Variants in PDZD2 observed in about 807,000 individuals in gnomAD.
PDZD2 encodes the protein PDZ domain containing 2, also known as PDZ domain-containing protein 2.
In PDZD2, 90 loss-of-function variants were observed where a neutral mutation model predicts 220.7. The observed-to-expected ratio is 0.41, with a 90% CI of 0.34 to 0.49. PDZD2 has a LOEUF of 0.49. Among genes scored for constraint, PDZD2 ranks in the 20% least tolerant of loss-of-function variants. The pLI, the probability that PDZD2 is intolerant of heterozygous loss-of-function variation, is 0.28. For synonymous variants in PDZD2, 1,375 were observed against 1,450.5 expected, an observed-to-expected ratio of 0.95 and a Z score of 1.18; for missense variants, 3,174 against 3,608.5, an observed-to-expected ratio of 0.88 and a Z score of 3.08.
intron 2 of PDZD2, among the ~76,000 whole-genome samples, chr5:31,973,015 C>T (rs769883624): frequency 2.6e-5 from 4 of 152,240 alleles, no homozygotes; most frequent in Non-Finnish European, 4.4e-5. Context: ...GCCAGTATCT[C>T]TGCAGTACGT....
At chr5:31,762,542 C>T (rs940972959) in intron 1 of PDZD2, among the ~76,000 whole-genome samples, 3 of 152,216 alleles carry the variant, frequency 2.0e-5, no homozygotes, top group Admixed American at 1.3e-4. Context: ...CCTGCCTCAG[C>T]CTCCCAAAGT....
chr5:31,983,702 G>GTGTT lies in PDZD2; in HGVS notation c.978+56_978+59dup, dbSNP rs150329713. The stretch of plus-strand genomic sequence containing the variant: ...GGAACCAGAATTTTATTTATCGTGT[G>GTGTT]TGTTTGTTTGTTTTTGCAGCCCAGC... On this transcript the variant is annotated intron_variant, in intron 3 of 24. Transcript: ENST00000438447. 1.1e-5 allele frequency: 17 copies of GTGTT among 1,561,038 alleles called. No individual in the cohort carries two copies. The East Asian group carries it at 2.9e-4, about 27-fold the overall frequency.
In PDZD2 at chr5:32,087,980, A is replaced by G; in HGVS notation, c.4532A>G (p.Lys1511Arg). Reference sequence around the variant, plus strand: ...GTTTTAGATTCAATTAATCCCGACAAACATTTTACTGTGAACAAAAACTTT... The same window carrying G: ...GTTTTAGATTCAATTAATCCCGACAGACATTTTACTGTGAACAAAAACTTT... The part of the protein sequence containing the change: ...PSVLDSINPD[K>R]HFTVNKNFLS... Residue 1511 changes from lysine (K) to arginine (R), a missense_variant, in exon 20 of 25, where the codon AAA (lysine) becomes AGA (arginine). Around this residue, in one of 4 missense-constraint regions of PDZD2, gnomAD observed 1,861 missense variants for 2,001.0 expected, o/e 0.93. Transcript: ENST00000438447. This position sits in a 1 kb window ranked among gnomAD's most constrained non-coding sequence, Gnocchi z 4.0. The G allele has an allele frequency of 6.2e-7, 1 of 1,614,210 alleles. No homozygotes were observed. Among genetic ancestry groups the G allele is most frequent in the Non-Finnish European group, 8.5e-7 (1 of 1,180,038 alleles).
At chr5:31,903,658 AAAAAAG>A (rs763042485) in intron 2 of PDZD2, among the ~76,000 whole-genome samples, 25 of 150,708 alleles carry the variant, frequency 1.7e-4, no homozygotes, top group South Asian at 6.3e-4. Context: ...AAAAAAAAAA[AAAAAAG>A]AAAGAAAAAA....
chr5:32,056,362 G>A (rs1039028164), intron 10 of PDZD2, among the ~76,000 whole-genome samples: 5 of 152,194 alleles, frequency 3.3e-5, no homozygotes, highest in African/African-American at 7.2e-5. Flanking sequence ...GGCTGTCTGC[G>A]AGAGGTGACA....
At chr5:31,711,594 G>T (rs1380468971) in intron 1 of PDZD2, among the ~76,000 whole-genome samples, 2 of 152,220 alleles carry the variant, frequency 1.3e-5, no homozygotes, top group African/African-American at 4.8e-5. Context: ...CTGTGACTCA[G>T]GGTGGGTGTT....
intron 2 of PDZD2, among the ~76,000 whole-genome samples, chr5:31,938,598 C>CT (rs1489570748): frequency 7.2e-6 from 1 of 139,234 alleles, no homozygotes; most frequent in East Asian, 2.0e-4. Flanking sequence ...ACTTCTTTCT[C>CT]TTTTGCATAC....
At chr5:31,813,896 G>A (rs990657090) in intron 2 of PDZD2, among the ~76,000 whole-genome samples, 19 of 152,138 alleles carry the variant, frequency 1.2e-4, no homozygotes, top group African/African-American at 4.3e-4. Context: ...GGCCAGGCAC[G>A]GTGGCTCATG....
intron 2 of PDZD2, among the ~76,000 whole-genome samples, chr5:31,925,696 G>T (rs1448269375): frequency 6.6e-6 from 1 of 151,202 alleles, no homozygotes; most frequent in Non-Finnish European, 1.5e-5. Flanking sequence ...TAAAATATTT[G>T]CAAACTCTGT....
chr5:31,747,418 C>T (rs1380668839), intron 1 of PDZD2, among the ~76,000 whole-genome samples: 1 of 152,094 alleles, frequency 6.6e-6, no homozygotes, highest in Non-Finnish European at 1.5e-5. Context: ...ATAGGATGCT[C>T]CTTTCCTCTG....
chr5:32,106,539 T>C (rs1452218584), intron 24 of PDZD2: 1 of 152,180 alleles, frequency 6.6e-6, no homozygotes, highest in Non-Finnish European at 1.5e-5. Context: ...TCATCACCAT[T>C]TTGCAGATGA....
chr5:31,946,390 G>C (rs1171918690), intron 2 of PDZD2, among the ~76,000 whole-genome samples: 1 of 152,178 alleles, frequency 6.6e-6, no homozygotes, highest in African/African-American at 2.4e-5. Flanking sequence ...GTGTGAACCT[G>C]ACTGCATCTC....
chr5:31,671,487 G>A (rs186281245), intron 1 of PDZD2, among the ~76,000 whole-genome samples: 26 of 152,146 alleles, frequency 1.7e-4, no homozygotes, highest in East Asian at 7.7e-4. Context: ...GGGAGCTGGC[G>A]TGCTGTGCTC....
intron 15 of PDZD2, among the ~76,000 whole-genome samples, chr5:32,069,887 G>T (rs547446782): frequency 6.6e-6 from 1 of 152,288 alleles, no homozygotes; most frequent in South Asian, 2.1e-4. Context: ...CAAATAATTT[G>T]CAAAGGTAAG....
chr5:31,658,954 A>G lies in PDZD2; in HGVS notation c.-361+19517A>G, dbSNP rs374529096. ...TCTTAAATCTCTCATTAATTCCACA[A>G]TGGATGGTGTAGTTTGATTTTGCTC... On this transcript the variant is annotated intron_variant, in intron 1 of 24. Transcript: ENST00000438447. 1.2e-3 allele frequency among the ~76,000 whole-genome samples: 178 copies of G among 152,144 alleles called. 5 individuals are homozygous for G. The South Asian group carries it at 0.036, about 31-fold the overall frequency.
rs778418372 is a variant in PDZD2, at chr5:31,676,568, CT to C, written c.-361+37147del. Reference sequence around the variant, plus strand: ...TTGTAGAACAATTTCTTTGCTTTCTCTTTTTTTTTTTTTTTTGAGACAGAGT... The same window carrying C: ...TTGTAGAACAATTTCTTTGCTTTCTCTTTTTTTTTTTTTTTGAGACAGAGT... On this transcript the variant is annotated intron_variant, in intron 1 of 24. Transcript: ENST00000438447. Among the ~76,000 whole-genome samples, 516 of 136,344 alleles carry C rather than the reference CT, an allele frequency of 3.8e-3. 1 individual carries two copies. Among genetic ancestry groups the C allele is most frequent in the Non-Finnish European group, 5.6e-3 (355 of 63,690 alleles). The allele number at this position is 136,344 out of a possible 152,430, so 89.4% of individuals were successfully genotyped here.
At chr5:31,910,874 T>C (rs1196188296) in intron 2 of PDZD2, among the ~76,000 whole-genome samples, 1 of 152,164 alleles carries the variant, frequency 6.6e-6, no homozygotes, top group East Asian at 1.9e-4. Flanking sequence ...CAAGAAAATA[T>C]AGCACTTAAA....
intron 2 of PDZD2, among the ~76,000 whole-genome samples, chr5:31,936,854 C>T (rs1329749482): frequency 6.6e-6 from 1 of 152,160 alleles, no homozygotes; most frequent in African/African-American, 2.4e-5. Flanking sequence ...AGCCCGAATG[C>T]ACTAATGTTT....
chr5:31,860,719 A>C (rs768461016), intron 2 of PDZD2, among the ~76,000 whole-genome samples: 1 of 152,192 alleles, frequency 6.6e-6, no homozygotes, highest in Non-Finnish European at 1.5e-5. Context: ...TCCTGTTGGC[A>C]TGGTAGCGTC....
Sources: gnomAD v4.1 joint callset for allele counts (sites outside exome capture counted in the v4.1 genomes callset) on GRCh38, gnomAD v4.1.1 for gene constraint, gnomAD v4.1.1 regional missense constraint, Gnocchi (gnomAD v3.1) non-coding constraint, MANE v1.5 for transcripts, NCBI Gene and HGNC (gene_info 2026-07-23, HGNC 2026-07-21) for gene names.